The following ENG variants were observed in gnomAD, a reference collection of about 807,000 sequenced individuals.
ENG encodes endoglin.
ENG carries 17 observed loss-of-function variants against 71.0 expected under a neutral mutation model. The observed-to-expected ratio is 0.24, with a 90% CI of 0.16 to 0.36. The LOEUF (loss-of-function observed/expected upper bound fraction) is 0.36, where lower values mean the gene tolerates loss of function less well. Ranked by LOEUF, ENG falls within the 10% of genes least tolerant of loss-of-function variation. The pLI is 1.00. For missense variants in ENG, 749 were observed against 868.3 expected, an observed-to-expected ratio of 0.86 and a Z score of 1.73; for synonymous variants, 360 against 366.9, an observed-to-expected ratio of 0.98 and a Z score of 0.21.
At chr9:127,831,378 C>CT (rs796420341) in intron 2 of ENG, among the ~76,000 whole-genome samples, 142 of 136,274 alleles carry the variant, frequency 1.0e-3, no homozygotes, top group Middle Eastern at 3.8e-3. Context: ...GCCAGGTTGG[C>CT]TTTTTTTTTT....
chr9:127,835,074 C>G (rs1300132984), intron 2 of ENG, among the ~76,000 whole-genome samples: 1 of 152,040 alleles, frequency 6.6e-6, no homozygotes, highest in Non-Finnish European at 1.5e-5. Context: ...TGATTGCTCA[C>G]TGCAACTTCC....
At position 127,837,662 on chromosome 9, in the gene ENG, T is replaced by G. The variant is rs541883966; in HGVS notation, c.219+5432A>C. ...ACAGCAAGGAACATCATCAGCCCAC[T>G]TGGGAATAGCCAATCACCAAATGCT... On this transcript the variant is annotated intron_variant, in intron 2 of 14. Coordinates refer to ENST00000373203, the MANE Select transcript of ENG (RefSeq NM_001114753.3). Among the ~76,000 whole-genome samples the G allele has an allele frequency of 2.4e-3, 361 of 152,116 alleles. 7 individuals carry two copies. Among genetic ancestry groups the G allele is most frequent in the African/African-American group, 8.0e-3 (334 of 41,548 alleles).
Position 127,831,068 on chromosome 9 carries a change from G to A in ENG, c.220-1241C>T, listed in dbSNP as rs184069841. On this transcript the variant is annotated intron_variant, in intron 2 of 14. Transcript: ENST00000373203. ...AACAACAGCAATACCTACCTACCAC[G>A]TAAATAGGGCCTATTAAATCCCAGC... Among the ~76,000 whole-genome samples the A allele has an allele frequency of 1.7e-4, 26 of 151,940 alleles. 1 individual carries two copies. In the East Asian group the frequency reaches 4.4e-3, roughly 26 times the overall value.
intron 13 of ENG, 38 bp from the exon 14 acceptor site, chr9:127,816,091 C>G (rs747308116): frequency 2.5e-5 from 40 of 1,596,362 alleles, no homozygotes; most frequent in Non-Finnish European, 2.5e-5. Flanking sequence ...GCCACTCTGC[C>G]CCTGCCCCAT....
rs1392609165 is a variant in ENG, at chr9:127,836,488, C to T, written c.219+6606G>A. Among the ~76,000 whole-genome samples the T allele has an allele frequency of 6.6e-6, 1 of 152,244 alleles. No individual in the cohort carries two copies. Among genetic ancestry groups the T allele is most frequent in the African/African-American group, 2.4e-5 (1 of 41,470 alleles). ...GTGGAGCCTCAGGGCTGCCTGCAGC[C>T]CCCACCCTCCCAGGGCCTGACTGGA... On this transcript the variant is annotated intron_variant, in intron 2 of 14. Coordinates refer to ENST00000373203, the MANE Select transcript of ENG (RefSeq NM_001114753.3). This position sits in a 1 kb window ranked among gnomAD's most constrained non-coding sequence, Gnocchi z 4.0.
chr9:127,817,956 G>C, intron 12 of ENG, 164 bp downstream of exon 12: 1 of 1,120,370 alleles, frequency 8.9e-7, no homozygotes, highest in Admixed American at 2.3e-5. Flanking sequence ...CTCTCGGGTG[G>C]CAGAAAGTGC....
Position 127,816,063 on chromosome 9 carries a change from GC to G in ENG, c.1742-11del. On this transcript the variant is annotated splice_polypyrimidine_tract_variant and intron_variant, in intron 13 of 14. Transcript: ENST00000373203. ...CCTTTGCTTGTGCAACCTAGAGAGG[GC>G]CGACGCCATCAGCACTGCCACTCTG... 1 of 1,607,166 alleles carries G rather than the reference GC, an allele frequency of 6.2e-7. No individual in the cohort carries two copies. Among genetic ancestry groups the G allele is most frequent in the Non-Finnish European group, 8.5e-7 (1 of 1,178,160 alleles).
In ENG at chr9:127,846,103, C is replaced by T. The variant is rs918466329; in HGVS notation, c.68-2858G>A. Among the ~76,000 whole-genome samples, 12 of 152,210 alleles carry T rather than the reference C, an allele frequency of 7.9e-5. No homozygotes were observed. The highest frequency in any genetic ancestry group is 2.4e-4 in the African/African-American group (10 of 41,528). On this transcript the variant is annotated intron_variant, in intron 1 of 14. Coordinates refer to ENST00000373203, the MANE Select transcript of ENG (RefSeq NM_001114753.3). This position sits in a 1 kb window ranked among gnomAD's most constrained non-coding sequence, Gnocchi z 5.5. Reference sequence around the variant, plus strand: ...TGTTCTAAGGGGTGGGGTGAAGTGGCGGGATGGGGTGGCCTCCAGGTGACG... The same window carrying T: ...TGTTCTAAGGGGTGGGGTGAAGTGGTGGGATGGGGTGGCCTCCAGGTGACG...
chr9:127,831,074 A>T (rs2131897046), intron 2 of ENG, among the ~76,000 whole-genome samples: 1 of 152,220 alleles, frequency 6.6e-6, no homozygotes, highest in East Asian at 1.9e-4. Flanking sequence ...CCACGTAAAT[A>T]GGGCCTATTA....
chr9:127,844,541 C>T (rs1422549448), intron 1 of ENG, among the ~76,000 whole-genome samples: 2 of 152,080 alleles, frequency 1.3e-5, no homozygotes, highest in South Asian at 2.1e-4. Flanking sequence ...GTGATCCTCC[C>T]ACCTCGGCCT....
At chr9:127,818,645 T>C (rs2131876666) in intron 11 of ENG, 71 bp downstream of exon 11, 1 of 1,521,894 alleles carries the variant, frequency 6.6e-7, no homozygotes, top group Non-Finnish European at 9.1e-7. Flanking sequence ...TCTGGAGTCA[T>C]GGTGGGAAGA....
At chr9:127,828,561 G>A (rs531243526) in intron 3 of ENG, among the ~76,000 whole-genome samples, 2 of 152,300 alleles carry the variant, frequency 1.3e-5, no homozygotes, top group Non-Finnish European at 1.5e-5. Flanking sequence ...TGGGCTGCAC[G>A]GACTCAGATC....
At chr9:127,824,755 C>G in intron 7 of ENG, 45 bp downstream of exon 7, 1 of 1,449,226 alleles carries the variant, frequency 6.9e-7, no homozygotes, top group Non-Finnish European at 9.1e-7. Flanking sequence ...GGCCACTGAT[C>G]CAAGGGAGGG....
intron 2 of ENG, among the ~76,000 whole-genome samples, chr9:127,840,399 T>C (rs1302909582): frequency 6.6e-6 from 1 of 152,148 alleles, no homozygotes; most frequent in African/African-American, 2.4e-5. Flanking sequence ...AGTTCAAAAC[T>C]AGCCTCTCCA....
Position 127,846,954 on chromosome 9 carries a change from A to G in ENG, c.68-3709T>C. The G allele has an allele frequency of 1.0e-6, 1 of 985,612 alleles. No homozygotes were observed. Among genetic ancestry groups the G allele is most frequent in the Non-Finnish European group, 1.2e-6 (1 of 830,058 alleles). 61.1% of individuals were successfully genotyped at this position (985,612 alleles called of 1,614,324 possible). On this transcript the variant is annotated intron_variant, in intron 1 of 14. Transcript: ENST00000373203. This position sits in a 1 kb window ranked among gnomAD's most constrained non-coding sequence, Gnocchi z 5.5. ...GCTACCTTCAGCACCTTGGAGGATGATCAAGAAAAACAGCTCTGGAGCCAG... is the reference window on the plus strand; with the variant it reads ...GCTACCTTCAGCACCTTGGAGGATGGTCAAGAAAAACAGCTCTGGAGCCAG...
chr9:127,815,808 TGGGAGC>T lies in ENG; in HGVS notation c.1853-8_1853-3del, dbSNP rs373296026. On this transcript the variant is annotated splice_polypyrimidine_tract_variant and splice_region_variant and intron_variant, in intron 14 of 14. Transcript: ENST00000373203. ...CGGGCTCCCGCTTGCTGGGGGAACCTGGGAGCGGGAGCGGGGGCAGGGGCGGAGGTC... is the reference window on the plus strand; with the variant it reads ...CGGGCTCCCGCTTGCTGGGGGAACCTGGGAGCGGGGGCAGGGGCGGAGGTC... 6.4e-5 allele frequency: 99 copies of T among 1,546,922 alleles called. 1 individual carries two copies. The highest frequency in any genetic ancestry group is 1.7e-4 in the East Asian group (7 of 40,992).
At chr9:127,831,427 G>A (rs942035035) in intron 2 of ENG, among the ~76,000 whole-genome samples, 3 of 147,748 alleles carry the variant, frequency 2.0e-5, no homozygotes, top group Non-Finnish European at 4.5e-5. Context: ...TCGCTCTGTC[G>A]CCCAAGCTGG....
At chr9:127,831,513 G>A (rs539689406) in intron 2 of ENG, among the ~76,000 whole-genome samples, 13 of 151,504 alleles carry the variant, frequency 8.6e-5, no homozygotes, top group East Asian at 1.9e-4. Flanking sequence ...TCAGCCTCCC[G>A]AGTAGCTGGG....
chr9:127,839,504 A>G (rs1420594016), intron 2 of ENG, among the ~76,000 whole-genome samples: 2 of 152,186 alleles, frequency 1.3e-5, no homozygotes, highest in Non-Finnish European at 2.9e-5. Flanking sequence ...GCTGGACCTC[A>G]GCTTGCCCTG....
Sources: gnomAD v4.1 joint callset for allele counts (sites outside exome capture counted in the v4.1 genomes callset) on GRCh38, gnomAD v4.1.1 for gene constraint, Gnocchi (gnomAD v3.1) non-coding constraint, MANE v1.5 for transcripts, NCBI Gene and HGNC (gene_info 2026-07-23, HGNC 2026-07-21) for gene names.